MEP1A: variants seen among roughly 807,000 people sequenced by gnomAD.
MEP1A encodes meprin A subunit alpha, also known as N-benzoyl-L-tyrosyl-P-amino-benzoic acid hydrolase subunit alpha.
A neutral mutation model predicts 84.5 loss-of-function variants in MEP1A; 68 were observed. That is an observed-to-expected ratio of 0.80 (90% CI 0.66 to 0.98). MEP1A has a LOEUF of 0.98. Among genes scored for constraint, MEP1A ranks in the 50% least tolerant of loss-of-function variants. The probability of loss-of-function intolerance (pLI) is 0.00; values close to 1 mark genes in which losing one functional copy is unlikely to be tolerated. For synonymous variants in MEP1A, 337 were observed against 336.8 expected, an observed-to-expected ratio of 1.00 and a Z score of -0.01; for missense variants, 887 against 919.9, an observed-to-expected ratio of 0.96 and a Z score of 0.46.
intron 5 of MEP1A, among the ~76,000 whole-genome samples, chr6:46,801,340 A>G (rs1436091482): frequency 6.6e-6 from 1 of 151,998 alleles, no homozygotes; most frequent in Admixed American, 6.6e-5. Flanking sequence ...GTATCTCCCT[A>G]CGATTTTAAT....
At chr6:46,843,458 C>A (rs1377006390), downstream of MEP1A, among the ~76,000 whole-genome samples, 2 of 152,156 alleles carry the variant, frequency 1.3e-5, no homozygotes, top group Non-Finnish European at 2.9e-5. Flanking sequence ...TGTATTTAAC[C>A]AATGCAAAAA....
At chr6:46,834,176 G>A (rs1190178536) in intron 11 of MEP1A, among the ~76,000 whole-genome samples, 1 of 151,538 alleles carries the variant, frequency 6.6e-6, no homozygotes, top group Non-Finnish European at 1.5e-5. Flanking sequence ...ACCCGCTTTG[G>A]CCTCCCAAAG....
intron 5 of MEP1A, among the ~76,000 whole-genome samples, chr6:46,805,511 G>A (rs1434332092): frequency 6.6e-6 from 1 of 151,692 alleles, no homozygotes. Flanking sequence ...ATTTAGTATT[G>A]AGTTCTAAGT....
chr6:46,835,336 A>C lies in MEP1A; in HGVS notation c.1871A>C (p.Gln624Pro). ...QGLILQGQEQ[Q>P]VSEEGSGKAM... ...CTCATTCTCCAAGGCCAGGAGCAGCAGGTCTCCGAAGAAGGTTCGGGAAAG... is the reference window on the plus strand; with the variant it reads ...CTCATTCTCCAAGGCCAGGAGCAGCCGGTCTCCGAAGAAGGTTCGGGAAAG... The change falls in exon 13 of 14, where the codon CAG (glutamine) becomes CCG (proline). Residue 624 changes from glutamine to proline, a missense_variant. Physicochemically the swap from Gln to Pro is moderately conservative, Grantham distance 76 (BLOSUM62 -1). Transcript: ENST00000230588. 1 of 1,609,590 alleles carries C rather than the reference A, an allele frequency of 6.2e-7. No individual in the cohort carries two copies. Among genetic ancestry groups the C allele is most frequent in the Non-Finnish European group, 8.5e-7 (1 of 1,178,024 alleles).
intron 6 of MEP1A, among the ~76,000 whole-genome samples, chr6:46,818,672 A>G (rs950820177): frequency 2.6e-5 from 4 of 152,178 alleles, no homozygotes; most frequent in Non-Finnish European, 4.4e-5. Context: ...CTTGCCTGAT[A>G]CCCTTCAGAA....
At position 46,834,226 on chromosome 6, in the gene MEP1A, A is replaced by AT. The variant is rs536224558; in HGVS notation, c.1610-339dup. On this transcript the variant is annotated intron_variant, in intron 11 of 13. Transcript: ENST00000230588. ...GCGTGAGCCACCACGCCTGGCACTA[A>AT]TTTTTTTTTTTTTCAAAAGAGAAGA... 1.7e-3 allele frequency among the ~76,000 whole-genome samples: 244 copies of AT among 146,458 alleles called. 1 individual carries two copies. Among genetic ancestry groups the AT allele is most frequent in the South Asian group, 4.1e-3 (19 of 4,610 alleles).
intron 5 of MEP1A, among the ~76,000 whole-genome samples, chr6:46,807,803 G>T (rs1030438097): frequency 1.4e-5 from 2 of 147,484 alleles, no homozygotes; most frequent in Admixed American, 6.8e-5. Flanking sequence ...AAGAAAGAAA[G>T]AAAGAAAGAA....
the MEP1A span, among the ~76,000 whole-genome samples, chr6:46,844,995 C>G: frequency 1.3e-5 from 2 of 152,176 alleles, no homozygotes; most frequent in Non-Finnish European, 2.9e-5. Context: ...CTCTCACCTT[C>G]AAGTCTTGCT....
At chr6:46,793,876 C>T (rs1179917713) in intron 3 of MEP1A, among the ~76,000 whole-genome samples, 160 bp downstream of exon 3, 2 of 151,958 alleles carry the variant, frequency 1.3e-5, no homozygotes, top group African/African-American at 2.4e-5. Context: ...GATAAAAATG[C>T]GGAAAGAGAA....
chr6:46,837,238 A>T (rs1768234939), intron 13 of MEP1A, among the ~76,000 whole-genome samples: 1 of 152,212 alleles, frequency 6.6e-6, no homozygotes, highest in Non-Finnish European at 1.5e-5. Context: ...GTGATTGTTT[A>T]TTCACATCAC....
chr6:46,835,985 G>T (rs1457891553), intron 13 of MEP1A, among the ~76,000 whole-genome samples: 1 of 152,104 alleles, frequency 6.6e-6, no homozygotes, highest in African/African-American at 2.4e-5. Context: ...TATTATTACA[G>T]TTATATTTTC....
At chr6:46,828,628 AGT>A (rs1384549538) in intron 9 of MEP1A, among the ~76,000 whole-genome samples, 1 of 152,176 alleles carries the variant, frequency 6.6e-6, no homozygotes, top group Non-Finnish European at 1.5e-5. Flanking sequence ...GACTTTGACA[AGT>A]GTGTGGTTTA....
Position 46,793,394 on chromosome 6 carries a change from C to G in MEP1A, c.-5C>G. On this transcript the variant is annotated 5_prime_UTR_variant, in exon 1 of 14. Coordinates refer to ENST00000230588, the MANE Select transcript of MEP1A (RefSeq NM_005588.3). Reference sequence around the variant, plus strand: ...GTGTGTGCTAAAATCAGCTCACTTGCAGCAATGGCTTGGATTAGATCCACT... The same window carrying G: ...GTGTGTGCTAAAATCAGCTCACTTGGAGCAATGGCTTGGATTAGATCCACT... The G allele has an allele frequency of 6.3e-7, 1 of 1,577,240 alleles. No individual in the cohort carries two copies.
chr6:46,827,077 G>C (rs780649184), intron 9 of MEP1A, among the ~76,000 whole-genome samples: 7 of 152,094 alleles, frequency 4.6e-5, no homozygotes, highest in Non-Finnish European at 7.3e-5. Flanking sequence ...GTTTGCACTG[G>C]CCACAATTCA....
chr6:46,829,310 G>T (rs1768020339), intron 9 of MEP1A, 46 bp from the exon 10 acceptor site: 1 of 1,527,494 alleles, frequency 6.5e-7, no homozygotes, highest in Non-Finnish European at 9.1e-7. Flanking sequence ...CAGAACCCTG[G>T]GGTGTGGGAA....
downstream of MEP1A, among the ~76,000 whole-genome samples, chr6:46,841,934 C>T (rs1768338391): frequency 6.6e-6 from 1 of 152,196 alleles, no homozygotes; most frequent in African/African-American, 2.4e-5. Flanking sequence ...GGAGCCGCAG[C>T]AGAAGAACAT....
intron 10 of MEP1A, among the ~76,000 whole-genome samples, chr6:46,829,983 C>A (rs141179207): frequency 6.6e-6 from 1 of 152,020 alleles, no homozygotes; most frequent in Non-Finnish European, 1.5e-5. Flanking sequence ...GACCAGCTCA[C>A]GCCTGGAATC....
At chr6:46,810,725 T>A (rs1767477358) in intron 6 of MEP1A, among the ~76,000 whole-genome samples, 1 of 152,148 alleles carries the variant, frequency 6.6e-6, no homozygotes, top group African/African-American at 2.4e-5. Context: ...GAATAGGATG[T>A]CATTTCCCCA....
chr6:46,841,989 T>C (rs1386446347), downstream of MEP1A, among the ~76,000 whole-genome samples: 2 of 152,214 alleles, frequency 1.3e-5, no homozygotes, highest in Non-Finnish European at 2.9e-5. Context: ...CCAAAATTAA[T>C]ACTATTATAA....
Sources: allele counts gnomAD v4.1 joint callset (sites outside exome capture counted in the v4.1 genomes callset), GRCh38; gene constraint gnomAD v4.1.1; transcripts MANE v1.5; gene names NCBI Gene and HGNC (gene_info 2026-07-23, HGNC 2026-07-21).